The following ERC2 variants were observed in gnomAD, a reference collection of about 807,000 sequenced individuals.
The protein encoded by ERC2 is ERC protein 2.
ERC2 carries 42 observed loss-of-function variants against 114.8 expected under a neutral mutation model. That is an observed-to-expected ratio of 0.37 (90% confidence interval 0.29 to 0.47). ERC2 has a LOEUF of 0.47. ERC2 is among the 20% of genes least tolerant of loss of function. ERC2 has a pLI of 0.99. For missense variants in ERC2, 939 were observed against 1,150.7 expected, an observed-to-expected ratio of 0.82 and a Z score of 2.66; for synonymous variants, 454 against 425.5, an observed-to-expected ratio of 1.07 and a Z score of -0.82.
chr3:56,336,961 C>A (rs1432662663), intron 2 of ERC2, among the ~76,000 whole-genome samples: 1 of 152,178 alleles, frequency 6.6e-6, no homozygotes, highest in African/African-American at 2.4e-5. Flanking sequence ...AACCTAACTC[C>A]TGTTAGAAAA....
intron 14 of ERC2, among the ~76,000 whole-genome samples, chr3:55,778,896 G>A (rs2068804380): frequency 6.6e-6 from 1 of 152,020 alleles, no homozygotes; most frequent in South Asian, 2.1e-4. Context: ...GAGACAGAAT[G>A]TAAAGAAATA....
At chr3:55,880,462 A>T (rs2063063499) in intron 14 of ERC2, among the ~76,000 whole-genome samples, 1 of 152,188 alleles carries the variant, frequency 6.6e-6, no homozygotes, top group Admixed American at 6.5e-5. Context: ...GGAAACAGAA[A>T]TCTGGAGTAG....
At chr3:56,270,284 A>G (rs1406704313) in intron 3 of ERC2, among the ~76,000 whole-genome samples, 2 of 152,252 alleles carry the variant, frequency 1.3e-5, no homozygotes, top group African/African-American at 4.8e-5. Flanking sequence ...CCAATACAAA[A>G]TGATCAAACC....
chr3:56,375,801 A>C (rs554519242), intron 2 of ERC2, among the ~76,000 whole-genome samples: 8 of 152,322 alleles, frequency 5.3e-5, no homozygotes, highest in Non-Finnish European at 1.0e-4. Context: ...AACAGAAAGT[A>C]GGAAGTTATT....
intron 3 of ERC2, among the ~76,000 whole-genome samples, chr3:56,233,962 C>G (rs1477721485): frequency 1.3e-5 from 2 of 152,186 alleles, no homozygotes; most frequent in Non-Finnish European, 2.9e-5. Flanking sequence ...GTCTCCTCAT[C>G]TTACAATCTT....
chr3:56,215,994 G>A (rs563462292), intron 3 of ERC2, among the ~76,000 whole-genome samples: 104 of 152,202 alleles, frequency 6.8e-4, no homozygotes, highest in African/African-American at 2.4e-3. Flanking sequence ...ATTTAAAGCA[G>A]TGTGTAAAGG....
intron 17 of ERC2, among the ~76,000 whole-genome samples, chr3:55,570,513 CA>C (rs2056644186): frequency 1.3e-5 from 2 of 152,030 alleles, no homozygotes; most frequent in African/African-American, 4.8e-5. Context: ...GAGGGAGGGC[CA>C]GGGGGAGCTG....
At chr3:55,552,088 C>T (rs886356164) in intron 17 of ERC2, among the ~76,000 whole-genome samples, 3 of 152,216 alleles carry the variant, frequency 2.0e-5, no homozygotes, top group South Asian at 2.1e-4. Flanking sequence ...AGAGCTAGCT[C>T]GGTCCTCAAC....
chr3:55,900,086 TGA>T (rs1309419995), intron 13 of ERC2, among the ~76,000 whole-genome samples: 1 of 152,174 alleles, frequency 6.6e-6, no homozygotes, highest in East Asian at 1.9e-4. Flanking sequence ...ACTTTGGTTC[TGA>T]GAGTCCCTTA....
intron 2 of ERC2, among the ~76,000 whole-genome samples, chr3:56,411,463 C>T (rs929372267): frequency 6.6e-6 from 1 of 151,916 alleles, no homozygotes; most frequent in Non-Finnish European, 1.5e-5. Flanking sequence ...CATTTAGATA[C>T]CCTAATTTAA....
chr3:56,431,654 A>G (rs1420638434), intron 2 of ERC2, among the ~76,000 whole-genome samples: 1 of 152,194 alleles, frequency 6.6e-6, no homozygotes, highest in Non-Finnish European at 1.5e-5. Flanking sequence ...ATCCTAATAT[A>G]CTTCCAAAAA....
chr3:56,411,254 A>C (rs1401222925), intron 2 of ERC2, among the ~76,000 whole-genome samples: 1 of 151,650 alleles, frequency 6.6e-6, no homozygotes, highest in Non-Finnish European at 1.5e-5. Flanking sequence ...ATCTGTAAAT[A>C]ACAAGAAAGA....
intron 3 of ERC2, among the ~76,000 whole-genome samples, chr3:56,266,635 C>T: frequency 6.6e-6 from 1 of 152,146 alleles, no homozygotes; most frequent in East Asian, 1.9e-4. Context: ...GTGGCACATG[C>T]CTTTAGTCCC....
chr3:56,239,517 T>A (rs1466113619), intron 3 of ERC2, among the ~76,000 whole-genome samples: 1 of 151,436 alleles, frequency 6.6e-6, no homozygotes, highest in Admixed American at 6.6e-5. Context: ...AAAAATAAAA[T>A]AAAATAAAAA....
intron 15 of ERC2, among the ~76,000 whole-genome samples, chr3:55,719,383 C>T (rs2064313524): frequency 6.6e-6 from 1 of 152,216 alleles, no homozygotes; most frequent in Admixed American, 6.5e-5. Flanking sequence ...CAGCTTCCCT[C>T]AAGCCTAAGA....
intron 2 of ERC2, among the ~76,000 whole-genome samples, chr3:56,348,165 C>T (rs921121066): frequency 1.1e-4 from 16 of 152,324 alleles, no homozygotes; most frequent in Middle Eastern, 6.8e-3. Context: ...TGTCTTGCTT[C>T]CCTCTTCCTT....
At chr3:56,294,452 G>C (rs2055297163) in intron 3 of ERC2, among the ~76,000 whole-genome samples, 1 of 152,190 alleles carries the variant, frequency 6.6e-6, no homozygotes, top group Admixed American at 6.5e-5. Flanking sequence ...GCTGTTACCA[G>C]GTTTCCTTTC....
chr3:55,646,180 C>T (rs2060390570), intron 17 of ERC2, among the ~76,000 whole-genome samples: 1 of 152,270 alleles, frequency 6.6e-6, no homozygotes, highest in East Asian at 1.9e-4. Context: ...ACAAGGTGTG[C>T]CTGTGTTTCT....
chr3:56,210,301 G>A (rs906299183), intron 3 of ERC2, among the ~76,000 whole-genome samples: 4 of 152,106 alleles, frequency 2.6e-5, no homozygotes, highest in African/African-American at 9.7e-5. Context: ...TGAAAAGAAG[G>A]GAACAGGCCA....
Sources: allele counts gnomAD v4.1 joint callset (sites outside exome capture counted in the v4.1 genomes callset), GRCh38; gene constraint gnomAD v4.1.1; transcripts MANE v1.5; gene names NCBI Gene and HGNC (gene_info 2026-07-23, HGNC 2026-07-21).